PCDHGA5: variants seen among roughly 807,000 people sequenced by gnomAD.
The protein encoded by PCDHGA5 is protocadherin gamma subfamily A, 5.
In PCDHGA5, 36 loss-of-function variants were observed where a neutral mutation model predicts 56.7. The observed-to-expected ratio is 0.64, with a 90% CI of 0.49 to 0.84. The LOEUF (loss-of-function observed/expected upper bound fraction) is 0.84, where lower values mean the gene tolerates loss of function less well. Ranked by LOEUF, PCDHGA5 falls within the 40% of genes least tolerant of loss-of-function variation. The pLI, the probability that PCDHGA5 is intolerant of heterozygous loss-of-function variation, is 0.00. For synonymous variants in PCDHGA5, 563 were observed against 520.2 expected (o/e 1.08, Z -1.12); for missense variants, 1,305 against 1,201.5 (o/e 1.09, Z -1.27).
At chr5:141,403,873 A>G in intron 1 of PCDHGA5, 1 of 1,613,840 alleles carries the variant, frequency 6.2e-7, no homozygotes, top group Non-Finnish European at 8.5e-7. Flanking sequence ...CAAAAAGTCT[A>G]GATTATGAAG....
intron 1 of PCDHGA5, chr5:141,423,674 C>A (rs57195665): frequency 0.087 from 131,432 of 1,514,090 alleles, 6,254 homozygotes; most frequent in East Asian, 0.14. Flanking sequence ...AGATTTATTT[C>A]TCTGCCTCCT....
chr5:141,476,770 C>T lies in PCDHGA5; in HGVS notation c.2422-18037C>T, dbSNP rs1452363016. 6.2e-7 allele frequency: 1 copy of T among 1,613,568 alleles called. No homozygotes were observed. The highest frequency in any genetic ancestry group is 8.5e-7 in the Non-Finnish European group (1 of 1,180,020). ...TCCAGTTAGTGCTGACGGCGTTGGA[C>T]GGAGGGACCCCAGCTCTCTCCGCCA... On this transcript the variant is annotated intron_variant, in intron 1 of 3. Coordinates refer to ENST00000518069, the MANE Select transcript of PCDHGA5 (RefSeq NM_018918.3). This position sits in a 1 kb window ranked among gnomAD's most constrained non-coding sequence, Gnocchi z 7.6.
chr5:141,448,903 C>A (rs1460471063), intron 1 of PCDHGA5, among the ~76,000 whole-genome samples: 2 of 152,112 alleles, frequency 1.3e-5, no homozygotes, highest in Non-Finnish European at 2.9e-5. Context: ...CGAGATCGTG[C>A]CACTGCACTC....
At chr5:141,507,443 G>A (rs2099860678) in intron 3 of PCDHGA5, among the ~76,000 whole-genome samples, 2 of 152,200 alleles carry the variant, frequency 1.3e-5, no homozygotes. Flanking sequence ...TACAGCTGAC[G>A]GAAGGACAGA....
At chr5:141,458,318 A>T (rs1420197662) in intron 1 of PCDHGA5, among the ~76,000 whole-genome samples, 1 of 152,128 alleles carries the variant, frequency 6.6e-6, no homozygotes, top group Non-Finnish European at 1.5e-5. Context: ...ACACAGACAC[A>T]TGTGGAGTGG....
intron 1 of PCDHGA5, among the ~76,000 whole-genome samples, chr5:141,386,304 C>T (rs1239396408): frequency 6.6e-6 from 1 of 152,104 alleles, no homozygotes; most frequent in African/African-American, 2.4e-5. Flanking sequence ...TAGTAAAGCT[C>T]AGTATATCAA....
rs761149166 is a variant in PCDHGA5 at position 141,510,977 on chromosome 5, G to C, written c.2600G>C (p.Gly867Ala). Residue 867 changes from glycine to alanine, a missense_variant, in exon 4 of 4, where the codon GGG (glycine) becomes GCG (alanine). Coordinates refer to ENST00000518069, the MANE Select transcript of PCDHGA5 (RefSeq NM_018918.3). Reference protein sequence around the residue: ...EAADGSSTLGGGAGTMGLSAR... With the variant: ...EAADGSSTLGAGAGTMGLSAR... ...GCTGATGGGAGCTCCACCCTGGGAG[G>C]GGGTGCCGGCACCATGGGATTGAGC... 9 of 1,614,052 alleles carry C rather than the reference G, an allele frequency of 5.6e-6. No individual in the cohort carries two copies. The Admixed American group carries it at 1.3e-4, about 24-fold the overall frequency.
At chr5:141,394,705 C>A (rs1245348426) in intron 1 of PCDHGA5, 1 of 1,613,256 alleles carries the variant, frequency 6.2e-7, no homozygotes, top group African/African-American at 1.3e-5. Context: ...ACGGCGCGAG[C>A]CCTGCTGGAC....
chr5:141,415,584 T>C lies in PCDHGA5; in HGVS notation c.2421+48833T>C, dbSNP rs763238799. 7.4e-6 allele frequency: 12 copies of C among 1,614,012 alleles called. No individual in the cohort carries two copies. In the South Asian group the frequency reaches 1.3e-4, roughly 18 times the overall value. ...TGTCTTTGTTAGATGATTCGAAGTT[T>C]CCTATAGAGGATACCCCATTGGTTC... On this transcript the variant is annotated intron_variant, in intron 1 of 3. Coordinates refer to ENST00000518069, the MANE Select transcript of PCDHGA5 (RefSeq NM_018918.3).
At chr5:141,483,797 G>GCTGCTTTT (rs1255394691) in intron 1 of PCDHGA5, among the ~76,000 whole-genome samples, 3 of 152,174 alleles carry the variant, frequency 2.0e-5, no homozygotes, top group Non-Finnish European at 4.4e-5. Context: ...TCCAGTTGTT[G>GCTGCTTTT]CTGCTTTTTT....
At chr5:141,423,395 C>G (rs1249200485) in intron 1 of PCDHGA5, 1 of 1,614,060 alleles carries the variant, frequency 6.2e-7, no homozygotes, top group Non-Finnish European at 8.5e-7. Context: ...TGGCATAAGT[C>G]ACGCCTGCTG....
intron 1 of PCDHGA5, chr5:141,393,217 T>C (rs760159490): frequency 1.2e-6 from 2 of 1,613,564 alleles, no homozygotes; most frequent in Admixed American, 3.3e-5. Flanking sequence ...AAATTCCAGG[T>C]CGAAGATCTA....
chr5:141,475,955 C>A, intron 1 of PCDHGA5: 1 of 800,218 alleles, frequency 1.2e-6, no homozygotes, highest in Non-Finnish European at 1.9e-6. Flanking sequence ...TTCTGCGCCC[C>A]GGGATGAGGC....
intron 1 of PCDHGA5, chr5:141,384,015 A>G: frequency 6.2e-7 from 1 of 1,613,830 alleles, no homozygotes; most frequent in Non-Finnish European, 8.5e-7. Flanking sequence ...TCTACCTACA[A>G]GACAGAGATT....
rs143939286 is a variant in PCDHGA5 at position 141,427,522 on chromosome 5, T to C, written c.2421+60771T>C. 6.1e-3 allele frequency: 3,716 copies of C among 607,796 alleles called. 27 individuals are homozygous for C. The highest frequency in any genetic ancestry group is 8.8e-3 in the Non-Finnish European group (2,868 of 324,656). The allele number at this position is 607,796 out of a possible 1,614,324, so 37.7% of individuals were successfully genotyped here. A position where few individuals can be genotyped will look rare whatever the true frequency, so the allele number is the denominator to read the frequency against. On this transcript the variant is annotated intron_variant, in intron 1 of 3. Transcript: ENST00000518069. ...GATGGGACCCTGGATTGGGAGCGGATCCCGGAGTACAACGTCACCATCACT... is the reference window on the plus strand; with the variant it reads ...GATGGGACCCTGGATTGGGAGCGGACCCCGGAGTACAACGTCACCATCACT...
chr5:141,403,052 T>G (rs1336291522), intron 1 of PCDHGA5: 4 of 1,614,066 alleles, frequency 2.5e-6, no homozygotes, highest in Admixed American at 1.7e-5. Context: ...GATTCGCTAC[T>G]CAGTGCCTGA....
chr5:141,404,564 G>A, intron 1 of PCDHGA5: 1 of 1,613,890 alleles, frequency 6.2e-7, no homozygotes. Flanking sequence ...AAGTGACAGT[G>A]GAAGCCCACC....
At chr5:141,510,831 A>T (rs2154594660) in intron 3 of PCDHGA5, 116 bp from the exon 4 acceptor site, 1 of 1,577,022 alleles carries the variant, frequency 6.3e-7, no homozygotes, top group East Asian at 2.2e-5. Context: ...CCCAGTGCTC[A>T]GCGTGGTCAA....
At chr5:141,384,522 T>G (rs1251146864) in intron 1 of PCDHGA5, 2 of 1,614,074 alleles carry the variant, frequency 1.2e-6, no homozygotes, top group East Asian at 2.2e-5. Context: ...GGGACCCGCC[T>G]CTCAGCAGCA....
Sources: allele counts gnomAD v4.1 joint callset (sites outside exome capture counted in the v4.1 genomes callset), GRCh38; gene constraint gnomAD v4.1.1; non-coding constraint Gnocchi (gnomAD v3.1); transcripts MANE v1.5; gene names NCBI Gene and HGNC (gene_info 2026-07-23, HGNC 2026-07-21).